The following PRELID2 variants were observed in gnomAD, a reference collection of about 807,000 sequenced individuals.
The protein encoded by PRELID2 is PRELI domain-containing protein 2.
In PRELID2, 25 loss-of-function variants were observed where a neutral mutation model predicts 28.4. The ratio of observed to expected loss-of-function variants is 0.88; its 90% CI spans 0.64 to 1.23. The LOEUF (loss-of-function observed/expected upper bound fraction) is 1.23. Among genes scored for constraint, PRELID2 ranks in the 50% most tolerant of loss-of-function variants. The pLI is 0.00. For synonymous variants in PRELID2, 76 were observed against 71.6 expected (o/e 1.06, Z -0.31); for missense variants, 201 against 214.4 (o/e 0.94, Z 0.39).
the PRELID2 span, among the ~76,000 whole-genome samples, chr5:145,369,894 C>T: frequency 8.0e-5 from 12 of 150,678 alleles, no homozygotes; most frequent in African/African-American, 2.4e-4. Flanking sequence ...TTTTTTTTCA[C>T]GTTTGTTCGC....
At chr5:145,834,088 C>T (rs1209689805) in intron 1 of PRELID2, among the ~76,000 whole-genome samples, 1 of 152,204 alleles carries the variant, frequency 6.6e-6, no homozygotes, top group Non-Finnish European at 1.5e-5. Context: ...GGATTCAGGG[C>T]TCCTCAGTAT....
chr5:145,632,845 A>G (rs1247067887), intron 1 of PRELID2, among the ~76,000 whole-genome samples: 2 of 152,212 alleles, frequency 1.3e-5, no homozygotes, highest in Non-Finnish European at 2.9e-5. Flanking sequence ...GTTAATAAAA[A>G]AGAAGCCTAT....
At position 145,650,229 on chromosome 5, in the gene PRELID2, A is replaced by G. The variant is rs183696914; in HGVS notation, n.70+114702T>C. Among the ~76,000 whole-genome samples the G allele has an allele frequency of 3.9e-5, 6 of 152,180 alleles. No individual in the cohort carries two copies. The East Asian group carries it at 1.2e-3, about 29-fold the overall frequency. ...CCATTCTGCCTGATGAGGATTCTTA[A>G]TGCTAAATTCAGCTTCTCAGTCCCT... On this transcript the variant is annotated intron_variant and non_coding_transcript_variant, in intron 1 of 2. Transcript: ENST00000510259.
chr5:145,250,391 T>A, the PRELID2 span, among the ~76,000 whole-genome samples: 2 of 152,176 alleles, frequency 1.3e-5, no homozygotes, highest in Non-Finnish European at 2.9e-5. Flanking sequence ...GTTTCTGACT[T>A]CATTCAAAAT....
the PRELID2 span, among the ~76,000 whole-genome samples, chr5:145,236,363 C>G: frequency 6.6e-6 from 1 of 152,156 alleles, no homozygotes; most frequent in African/African-American, 2.4e-5. Flanking sequence ...TGAGTCATTG[C>G]AACACCCTCT....
the PRELID2 span, among the ~76,000 whole-genome samples, chr5:145,428,784 G>C: frequency 6.6e-6 from 1 of 152,148 alleles, no homozygotes; most frequent in Non-Finnish European, 1.5e-5. Flanking sequence ...AAGTCACTGG[G>C]GTAGAAATTT....
chr5:145,414,002 TG>T, the PRELID2 span, among the ~76,000 whole-genome samples: 2 of 152,196 alleles, frequency 1.3e-5, no homozygotes, highest in Admixed American at 6.6e-5. Flanking sequence ...AAAAAGTAAT[TG>T]CTCTAAGAAA....
intron 1 of PRELID2, among the ~76,000 whole-genome samples, chr5:145,576,670 C>T (rs1217445836): frequency 1.7e-4 from 16 of 95,158 alleles, no homozygotes; most frequent in African/African-American, 6.2e-4. Context: ...GGTTATAGCA[C>T]AATAGTAAAA....
At chr5:145,278,116 C>T in the PRELID2 span, among the ~76,000 whole-genome samples, 2 of 152,102 alleles carry the variant, frequency 1.3e-5, no homozygotes, top group African/African-American at 4.8e-5. Context: ...CCAACATGCT[C>T]AAACTGAACT....
chr5:145,596,520 G>C (rs576698355), intron 1 of PRELID2, among the ~76,000 whole-genome samples: 3 of 151,934 alleles, frequency 2.0e-5, no homozygotes, highest in Non-Finnish European at 4.4e-5. Flanking sequence ...TTGAAAACCA[G>C]GTTCTTGTTG....
At chr5:145,443,631 T>G in the PRELID2 span, among the ~76,000 whole-genome samples, 1 of 152,098 alleles carries the variant, frequency 6.6e-6, no homozygotes, top group Middle Eastern at 3.2e-3. Context: ...ATGCCTATAA[T>G]GTAGAGCACA....
chr5:145,481,128 A>G (rs1752155704), intron 1 of PRELID2, among the ~76,000 whole-genome samples: 1 of 152,276 alleles, frequency 6.6e-6, no homozygotes, highest in South Asian at 2.1e-4. Context: ...TAAAAGCCCT[A>G]CTTTTCACCT....
intron 1 of PRELID2, among the ~76,000 whole-genome samples, chr5:145,697,117 CAT>C (rs1020410208): frequency 3.8e-5 from 5 of 130,538 alleles, no homozygotes; most frequent in Non-Finnish European, 6.5e-5. Flanking sequence ...ATATACCTGA[CAT>C]ATATATATAC....
At chr5:145,452,720 G>A in the PRELID2 span, among the ~76,000 whole-genome samples, 1 of 151,960 alleles carries the variant, frequency 6.6e-6, no homozygotes, top group East Asian at 1.9e-4. Context: ...TAGATAATTA[G>A]TAAGTCGTTG....
chr5:145,309,776 G>C, the PRELID2 span, among the ~76,000 whole-genome samples: 1 of 152,122 alleles, frequency 6.6e-6, no homozygotes, highest in Non-Finnish European at 1.5e-5. Context: ...AGATGAAGTT[G>C]GTGGAGCAAA....
At chr5:145,670,392 C>T (rs928423267) in intron 1 of PRELID2, among the ~76,000 whole-genome samples, 1 of 152,100 alleles carries the variant, frequency 6.6e-6, no homozygotes, top group Non-Finnish European at 1.5e-5. Context: ...GACACAAACA[C>T]CTCCCCACTT....
intron 4 of PRELID2, among the ~76,000 whole-genome samples, chr5:145,809,025 CT>C (rs1554097964): frequency 1.5e-5 from 2 of 135,178 alleles, no homozygotes; most frequent in South Asian, 2.4e-4. Flanking sequence ...CTAGGCTGAG[CT>C]TTTTTTTTGC....
intron 1 of PRELID2, among the ~76,000 whole-genome samples, chr5:145,475,327 T>G (rs907363373): frequency 2.6e-5 from 4 of 152,216 alleles, no homozygotes; most frequent in African/African-American, 9.6e-5. Context: ...AAGTATAAAC[T>G]ATGTGGGAAT....
chr5:145,366,286 C>G, the PRELID2 span, among the ~76,000 whole-genome samples: 1 of 152,006 alleles, frequency 6.6e-6, no homozygotes, highest in South Asian at 2.1e-4. Flanking sequence ...CTAATAGCTC[C>G]ATATTCATGT....
Sources: gnomAD v4.1 joint callset for allele counts (sites outside exome capture counted in the v4.1 genomes callset) on GRCh38, gnomAD v4.1.1 for gene constraint, MANE v1.5 for transcripts, NCBI Gene and HGNC (gene_info 2026-07-23, HGNC 2026-07-21) for gene names.